The following TMEM161B variants were observed in gnomAD, a reference collection of about 807,000 sequenced individuals.
TMEM161B encodes transmembrane protein 161B.
A neutral mutation model predicts 61.8 loss-of-function variants in TMEM161B; 34 were observed. The ratio of observed to expected loss-of-function variants is 0.55; its 90% CI spans 0.42 to 0.73. TMEM161B has a LOEUF of 0.73. Among genes scored for constraint, TMEM161B ranks in the 30% least tolerant of loss-of-function variants. The probability of loss-of-function intolerance (pLI) is 0.00; values close to 1 mark genes in which losing one functional copy is unlikely to be tolerated. For synonymous variants in TMEM161B, 167 were observed against 192.8 expected (o/e 0.87, Z 1.11); for missense variants, 456 against 558.5 (o/e 0.82, Z 1.85).
chr5:88,232,719 G>C (rs143511197), intron 2 of TMEM161B, among the ~76,000 whole-genome samples: 1 of 151,924 alleles, frequency 6.6e-6, no homozygotes, highest in Non-Finnish European at 1.5e-5. Flanking sequence ...GACTACTAGC[G>C]CCCGCCACCA....
chr5:88,195,832 T>A lies in TMEM161B; in HGVS notation c.*379A>T, dbSNP rs369119268. Reference sequence around the variant, plus strand: ...AAGATTGTTCTATAGGCAGCCACTATGACTATCAACAGTACCATAAAACCA... The same window carrying A: ...AAGATTGTTCTATAGGCAGCCACTAAGACTATCAACAGTACCATAAAACCA... On this transcript the variant is annotated 3_prime_UTR_variant, in exon 12 of 12. Coordinates refer to ENST00000296595, the MANE Select transcript of TMEM161B (RefSeq NM_153354.5). The A allele has an allele frequency of 1.0e-6, 1 of 1,001,730 alleles. No homozygotes were observed. Among genetic ancestry groups the A allele is most frequent in the South Asian group, 4.4e-5 (1 of 22,748 alleles). The allele number at this position is 1,001,730 out of a possible 1,614,324, so 62.1% of individuals were successfully genotyped here.
At chr5:88,196,803 C>T (rs549338362) in intron 11 of TMEM161B, among the ~76,000 whole-genome samples, 7 of 152,190 alleles carry the variant, frequency 4.6e-5, no homozygotes, top group African/African-American at 1.4e-4. Flanking sequence ...GCTAACTCTA[C>T]TGGAGTGACA....
chr5:88,189,518 T>C (rs1748577088), downstream of TMEM161B: 2 of 152,488 alleles, frequency 1.3e-5, no homozygotes, highest in Non-Finnish European at 2.9e-5. Flanking sequence ...AGGACGACAA[T>C]CTGGGGTCCT....
chr5:88,202,247 C>G, intron 9 of TMEM161B: 1 of 390,138 alleles, frequency 2.6e-6, no homozygotes. Flanking sequence ...AACAGTTCTA[C>G]AAGGCTAACA....
chr5:88,226,236 AAC>A (rs551510315), intron 3 of TMEM161B, among the ~76,000 whole-genome samples: 2 of 151,710 alleles, frequency 1.3e-5, no homozygotes, highest in East Asian at 1.9e-4. Context: ...GACGTGTATA[AAC>A]ACACACACAC....
chr5:88,241,043 C>T (rs1752649522), intron 1 of TMEM161B, 127 bp from the exon 2 acceptor site: 3 of 547,892 alleles, frequency 5.5e-6, no homozygotes, highest in Non-Finnish European at 6.1e-6. Flanking sequence ...AAATACATTA[C>T]TCTCAGCCCT....
Position 88,199,043 on chromosome 5 carries a change from G to A in TMEM161B, c.1022C>T (p.Ala341Val). 1 of 1,612,830 alleles carries A rather than the reference G, an allele frequency of 6.2e-7. No homozygotes were observed. The highest frequency in any genetic ancestry group is 8.5e-7 in the Non-Finnish European group (1 of 1,179,406). ...CTTCATCTGATCCACACATTTTTGGGCTAAATTTAAATAAGCTTGCAGGTG... is the reference window on the plus strand; with the variant it reads ...CTTCATCTGATCCACACATTTTTGGACTAAATTTAAATAAGCTTGCAGGTG... ...RSHLQAYLNL[A>V]QKCVDQMKKE... The change falls in exon 10 of 12, where the codon GCC becomes GTC. Residue 341 changes from alanine to valine, a missense_variant. Transcript: ENST00000296595.
At chr5:88,197,626 G>A (rs759027759) in intron 11 of TMEM161B, 43 bp downstream of exon 11, 9 of 1,463,880 alleles carry the variant, frequency 6.1e-6, no homozygotes, top group East Asian at 2.3e-5. Context: ...TTAATTATAG[G>A]TAGAAAGTAA....
Position 88,207,115 on chromosome 5 carries a change from C to G in TMEM161B, c.512G>C (p.Cys171Ser), listed in dbSNP as rs753101231. ...AAAGAAAAAAAATCCAAAGGTGACA[C>G]AAACAGATCTTTCACCACCATCTTC... ...KVEDGGERSV[C>S]VTFGFFFFVK... is the part of the protein sequence containing the mutation. Residue 171 changes from cysteine to serine, a missense_variant, in exon 6 of 12, where the codon TGT becomes TCT. Cys to Ser is a moderately radical substitution (Grantham distance 112, BLOSUM62 -1). Coordinates refer to ENST00000296595, the MANE Select transcript of TMEM161B (RefSeq NM_153354.5). 3 of 1,612,968 alleles carry G rather than the reference C, an allele frequency of 1.9e-6. No homozygotes were observed. The highest frequency in any genetic ancestry group is 2.5e-6 in the Non-Finnish European group (3 of 1,179,452).
chr5:88,262,396 G>A (rs1755797332), intron 1 of TMEM161B, among the ~76,000 whole-genome samples: 1 of 152,064 alleles, frequency 6.6e-6, no homozygotes. Context: ...AATTGCACTT[G>A]CTGGTTTTTA....
At chr5:88,257,160 T>C (rs1166959084) in intron 1 of TMEM161B, among the ~76,000 whole-genome samples, 4 of 151,996 alleles carry the variant, frequency 2.6e-5, no homozygotes, top group African/African-American at 4.8e-5. Flanking sequence ...TCCCAGCTAC[T>C]TGGGAGGCTG....
intron 1 of TMEM161B, among the ~76,000 whole-genome samples, chr5:88,256,995 A>G (rs1755065081): frequency 6.6e-6 from 1 of 152,198 alleles, no homozygotes; most frequent in African/African-American, 2.4e-5. Context: ...TCCTTTTAAG[A>G]CCAGGTGCAG....
downstream of TMEM161B, among the ~76,000 whole-genome samples, chr5:88,191,784 C>T (rs1748896712): frequency 6.6e-6 from 1 of 150,714 alleles, no homozygotes; most frequent in Non-Finnish European, 1.5e-5. Context: ...TGTGAAACCC[C>T]GTCTCTATTA....
intron 1 of TMEM161B, among the ~76,000 whole-genome samples, chr5:88,257,671 T>C (rs887322748): frequency 4.6e-5 from 7 of 152,202 alleles, no homozygotes; most frequent in African/African-American, 1.7e-4. Flanking sequence ...ATCATTGGCA[T>C]TCACAGATTT....
intron 1 of TMEM161B, among the ~76,000 whole-genome samples, chr5:88,246,962 C>T (rs780139838): frequency 5.3e-5 from 8 of 151,878 alleles, no homozygotes; most frequent in Non-Finnish European, 8.8e-5. Flanking sequence ...GATTCAATGC[C>T]TCTAGGCACT....
rs201607432 is a variant in TMEM161B at position 88,268,754 on chromosome 5, C to T, written c.-31G>A. On this transcript the variant is annotated 5_prime_UTR_variant, in exon 1 of 12. Coordinates refer to ENST00000296595, the MANE Select transcript of TMEM161B (RefSeq NM_153354.5). Reference sequence around the variant, plus strand: ...CTAGGATAGGTCGTGGACCAGACACCCTGGAGTTGCCGGGGCAGTCCCAAA... The same window carrying T: ...CTAGGATAGGTCGTGGACCAGACACTCTGGAGTTGCCGGGGCAGTCCCAAA... The T allele has an allele frequency of 6.2e-7, 1 of 1,613,912 alleles. No individual in the cohort carries two copies. The highest frequency in any genetic ancestry group is 8.5e-7 in the Non-Finnish European group (1 of 1,179,954).
intron 1 of TMEM161B, among the ~76,000 whole-genome samples, chr5:88,248,673 G>C (rs971260374): frequency 7.0e-6 from 1 of 143,338 alleles, no homozygotes; most frequent in Admixed American, 7.1e-5. Flanking sequence ...GGTAGTAAGA[G>C]GACAGACAGA....
At chr5:88,213,315 T>A (rs916150643) in intron 5 of TMEM161B, among the ~76,000 whole-genome samples, 23 of 152,126 alleles carry the variant, frequency 1.5e-4, no homozygotes, top group African/African-American at 3.9e-4. Context: ...TTAAAAAAAA[T>A]TTTTTAACAA....
intron 1 of TMEM161B, among the ~76,000 whole-genome samples, chr5:88,248,421 C>T (rs189829035): frequency 6.6e-6 from 1 of 152,180 alleles, no homozygotes; most frequent in Non-Finnish European, 1.5e-5. Flanking sequence ...CTATTACACA[C>T]CAAGCTAAAA....
Sources: gnomAD v4.1 joint callset for allele counts (sites outside exome capture counted in the v4.1 genomes callset) on GRCh38, gnomAD v4.1.1 for gene constraint, MANE v1.5 for transcripts, NCBI Gene and HGNC (gene_info 2026-07-23, HGNC 2026-07-21) for gene names.